The following SORL1 variants were observed in gnomAD, a reference collection of about 807,000 sequenced individuals.
The protein encoded by SORL1 is sortilin-related receptor.
A neutral mutation model predicts 273.7 loss-of-function variants in SORL1; 127 were observed. That is an observed-to-expected ratio of 0.46 (90% CI 0.40 to 0.54). The LOEUF is 0.54. Ranked by LOEUF, SORL1 falls within the 20% of genes least tolerant of loss-of-function variation. The probability of loss-of-function intolerance (pLI) is 0.00; values close to 1 mark genes in which losing one functional copy is unlikely to be tolerated. For synonymous variants in SORL1, 1,031 were observed against 1,067.4 expected (o/e 0.97, Z 0.66); for missense variants, 2,494 against 2,846.1 (o/e 0.88, Z 2.81).
At chr11:121,474,544 T>G (rs931923364) in intron 2 of SORL1, among the ~76,000 whole-genome samples, 5 of 152,186 alleles carry the variant, frequency 3.3e-5, no homozygotes, top group African/African-American at 1.2e-4. Context: ...GGACCATCTT[T>G]GTAGGTAAAA....
At chr11:121,566,801 A>G (rs1862760668) in intron 21 of SORL1, 139 bp from the exon 22 acceptor site, 2 of 769,732 alleles carry the variant, frequency 2.6e-6, no homozygotes, top group Non-Finnish European at 2.0e-6. Context: ...AGGCGCCCCA[A>G]AGCTTGCCAC....
chr11:121,567,788 G>A (rs1033750605), intron 22 of SORL1, among the ~76,000 whole-genome samples: 2 of 152,164 alleles, frequency 1.3e-5, no homozygotes, highest in African/African-American at 4.8e-5. Flanking sequence ...CCAGCATCAC[G>A]TTTCTGTGAG....
rs267602738 is a variant in SORL1, at chr11:121,612,807, C to G, written c.5394C>G (p.Phe1798Leu). 2 of 1,613,680 alleles carry G rather than the reference C, an allele frequency of 1.2e-6. No homozygotes were observed. Among genetic ancestry groups the G allele is most frequent in the African/African-American group, 1.3e-5 (1 of 74,924 alleles). The change falls in exon 40 of 48, where the codon TTC becomes TTG. Residue 1798 changes from phenylalanine (F) to leucine (L), a missense_variant. Phe to Leu is a conservative substitution (Grantham distance 22). This residue lies in a region of SORL1 where 1,609 missense variants were observed against 1,816.4 expected (regional missense o/e 0.89). Transcript: ENST00000260197. ...THKQERRTLN[F>L]RGSILSHKVG... is the part of the protein sequence containing the mutation. ...AGCAAGAGAGGAGAACTTTGAACTT[C>G]CGAGGAAGCATATTGTCACACAAAG...
chr11:121,601,224 A>T lies in SORL1; in HGVS notation c.4520-2969A>T, dbSNP rs372545563. On this transcript the variant is annotated intron_variant, in intron 32 of 47. Coordinates refer to ENST00000260197, the MANE Select transcript of SORL1 (RefSeq NM_003105.6). ...ATCCATGTCCCTACAAAGGACATGA[A>T]CTCATCATTTTTTATGGCTGCATAG... is the stretch of plus-strand genomic sequence containing the variant. 8.0e-4 allele frequency among the ~76,000 whole-genome samples: 114 copies of T among 141,686 alleles called. 2 individuals carry two copies. In the East Asian group the frequency reaches 0.02, roughly 25 times the overall value. 93.0% of individuals were successfully genotyped at this position (141,686 alleles called of 152,430 possible).
chr11:121,482,406 G>A (rs1237017831), intron 3 of SORL1, among the ~76,000 whole-genome samples: 1 of 152,190 alleles, frequency 6.6e-6, no homozygotes, highest in Non-Finnish European at 1.5e-5. Flanking sequence ...GGAGAAAAAA[G>A]GCTGCCTTCT....
chr11:121,530,651 G>C (rs1432781979), intron 11 of SORL1, among the ~76,000 whole-genome samples: 1 of 151,900 alleles, frequency 6.6e-6, no homozygotes, highest in African/African-American at 2.4e-5. Flanking sequence ...TGTAGATGCT[G>C]ATTTTGAATC....
intron 1 of SORL1, among the ~76,000 whole-genome samples, chr11:121,459,190 C>T (rs1049774060): frequency 6.6e-6 from 1 of 152,228 alleles, no homozygotes; most frequent in African/African-American, 2.4e-5. Context: ...TGACTGAAGA[C>T]TTGAAGTGTC....
intron 5 of SORL1, among the ~76,000 whole-genome samples, chr11:121,490,469 G>A (rs2134814276): frequency 6.6e-6 from 1 of 152,260 alleles, no homozygotes; most frequent in South Asian, 2.1e-4. Context: ...GCTGGGTGCA[G>A]TGGCTCACGC....
At chr11:121,482,855 G>A (rs913054437) in intron 3 of SORL1, among the ~76,000 whole-genome samples, 1 of 152,232 alleles carries the variant, frequency 6.6e-6, no homozygotes, top group Non-Finnish European at 1.5e-5. Context: ...AGGTGCTAGC[G>A]CGGCATCCAG....
chr11:121,541,617 C>T (rs536022706), intron 12 of SORL1, among the ~76,000 whole-genome samples: 3 of 152,222 alleles, frequency 2.0e-5, no homozygotes, highest in African/African-American at 7.2e-5. Flanking sequence ...ACTAAAATCT[C>T]AAAAACATGA....
At chr11:121,611,055 T>C in intron 38 of SORL1, 21 bp from the exon 39 acceptor site, 1 of 1,584,630 alleles carries the variant, frequency 6.3e-7, no homozygotes, top group Non-Finnish European at 8.7e-7. Context: ...CTTCTGTTTT[T>C]GAATTCCTTT....
At chr11:121,594,193 A>C (rs1306402859) in intron 31 of SORL1, among the ~76,000 whole-genome samples, 1 of 152,124 alleles carries the variant, frequency 6.6e-6, no homozygotes, top group East Asian at 1.9e-4. Flanking sequence ...CAGTGTTTTA[A>C]AATTTCACAA....
rs746975024 is a variant in SORL1, at chr11:121,558,645, T to A, written c.2718T>A (p.Asn906Lys). ...TGAAGCCTGGGATTTATCGGAGCAA[T>A]ATGGATGGTTCTGCTGCCTATCACC... ...GDLKPGIYRS[N>K]MDGSAAYHLV... is the part of the protein sequence containing the mutation. Residue 906 changes from asparagine to lysine, a missense_variant, in exon 20 of 48, where the codon AAT becomes AAA. Asn to Lys is a moderately conservative substitution (Grantham distance 94). Coordinates refer to ENST00000260197, the MANE Select transcript of SORL1 (RefSeq NM_003105.6). 3 of 1,613,906 alleles carry A rather than the reference T, an allele frequency of 1.9e-6. No homozygotes were observed. Among genetic ancestry groups the A allele is most frequent in the African/African-American group, 1.3e-5 (1 of 74,850 alleles).
chr11:121,626,027 A>G (rs756279690), intron 46 of SORL1, among the ~76,000 whole-genome samples: 1 of 152,132 alleles, frequency 6.6e-6, no homozygotes, highest in Non-Finnish European at 1.5e-5. Context: ...ACCCCCCACT[A>G]AGAGAGGGAA....
chr11:121,627,644 G>A lies in SORL1; in HGVS notation c.6454G>A (p.Gly2152Arg). The change falls in exon 47 of 48, where the codon GGG (glycine) becomes AGG (arginine). Residue 2152 changes from glycine to arginine, a missense_variant. By Grantham distance (125) the Gly-to-Arg change is moderately radical. Around this residue, in one of 3 missense-constraint regions of SORL1, gnomAD observed 1,609 missense variants for 1,816.4 expected, o/e 0.89. Coordinates refer to ENST00000260197, the MANE Select transcript of SORL1 (RefSeq NM_003105.6). The surrounding 1 kb of genome is among the most constrained non-coding windows in gnomAD (Gnocchi z 4.9). ...CTTATTCCTGATACTGCTGAGCCTG[G>A]GGGTGGGGTTTGCCATCCTGTACAC... The part of the protein sequence containing the change: ...PILFLILLSL[G>R]VGFAILYTKH... 1 of 1,614,168 alleles carries A rather than the reference G, an allele frequency of 6.2e-7. No homozygotes were observed. Among genetic ancestry groups the A allele is most frequent in the South Asian group, 1.1e-5 (1 of 91,082 alleles).
rs545462265 is a variant in SORL1, at chr11:121,578,397, G to T, written c.3580+997G>T. Among the ~76,000 whole-genome samples, 5 of 152,318 alleles carry T rather than the reference G, an allele frequency of 3.3e-5. No homozygotes were observed. In the East Asian group the frequency reaches 9.6e-4, roughly 29 times the overall value. On this transcript the variant is annotated intron_variant, in intron 25 of 47. Coordinates refer to ENST00000260197, the MANE Select transcript of SORL1 (RefSeq NM_003105.6). ...TGTCTTAACCTCCTCTGCCCCCAGA[G>T]TATCCCAGCACTTCCTACACTGCCC...
rs1565331154 is a variant in SORL1, at chr11:121,545,434, G to A, written c.2051+5G>A. 6.2e-7 allele frequency: 1 copy of A among 1,613,738 alleles called. No individual in the cohort carries two copies. Among genetic ancestry groups the A allele is most frequent in the East Asian group, 2.2e-5 (1 of 44,858 alleles). ...CACCCGGGAGGACTATGAGTGGTCA[G>A]TTCTTCTTTGATGGCTGGGGACTGA... On this transcript the variant is annotated splice_donor_5th_base_variant and intron_variant, in intron 14 of 47. Transcript: ENST00000260197.
intron 11 of SORL1, among the ~76,000 whole-genome samples, chr11:121,527,906 T>A (rs1452672420): frequency 2.0e-5 from 3 of 152,196 alleles, no homozygotes. Flanking sequence ...TTCCAAAGAA[T>A]CTGCTTTTGG....
chr11:121,604,409 G>A, intron 33 of SORL1, 85 bp downstream of exon 33: 1 of 1,509,358 alleles, frequency 6.6e-7, no homozygotes, highest in Non-Finnish European at 8.9e-7. Context: ...TAGACCTTGA[G>A]CTAGGACCCT....
Sources: gnomAD v4.1 joint callset for allele counts (sites outside exome capture counted in the v4.1 genomes callset) on GRCh38, gnomAD v4.1.1 for gene constraint, gnomAD v4.1.1 regional missense constraint, Gnocchi (gnomAD v3.1) non-coding constraint, MANE v1.5 for transcripts, NCBI Gene and HGNC (gene_info 2026-07-23, HGNC 2026-07-21) for gene names.